The following MBP variants were observed in gnomAD, a reference collection of about 807,000 sequenced individuals.
The protein encoded by MBP is myelin basic protein, also known as Golli-MBP.
MBP carries 16 observed loss-of-function variants against 35.8 expected under a neutral mutation model. That is an observed-to-expected ratio of 0.45 (90% CI 0.30 to 0.68). The LOEUF is 0.68. Ranked by LOEUF, MBP falls within the 30% of genes least tolerant of loss-of-function variation. The pLI is 0.08. For missense variants in MBP, 380 were observed against 404.7 expected (o/e 0.94, Z 0.52); for synonymous variants, 143 against 159.6 (o/e 0.90, Z 0.78).
intron 2 of MBP, among the ~76,000 whole-genome samples, chr18:77,071,425 T>G (rs2144843797): frequency 6.6e-6 from 1 of 152,134 alleles, no homozygotes; most frequent in South Asian, 2.1e-4. Context: ...CAGCCCATCT[T>G]ATTTTGTTGT....
chr18:77,042,613 G>C (rs767790253), intron 3 of MBP, among the ~76,000 whole-genome samples: 2 of 152,206 alleles, frequency 1.3e-5, no homozygotes, highest in Non-Finnish European at 2.9e-5. Flanking sequence ...AAGGGAGAGA[G>C]TTATTTTAGG....
At chr18:77,004,313 C>T (rs979817034) in intron 4 of MBP, 8 of 151,916 alleles carry the variant, frequency 5.3e-5, no homozygotes, top group East Asian at 1.9e-4. Context: ...AGCTATTATT[C>T]GATTTCTGGT....
At chr18:77,024,557 G>A (rs1266543294) in intron 3 of MBP, among the ~76,000 whole-genome samples, 1 of 152,256 alleles carries the variant, frequency 6.6e-6, no homozygotes, top group African/African-American at 2.4e-5. Context: ...TTGCTCAGAT[G>A]AAACATGGAT....
At chr18:77,082,752 C>A (rs1384303006) in intron 2 of MBP, among the ~76,000 whole-genome samples, 1 of 115,290 alleles carries the variant, frequency 8.7e-6, no homozygotes, top group African/African-American at 3.1e-5. Flanking sequence ...TTCCTCCCTG[C>A]AGCAGCAGCT....
chr18:76,991,654 C>T (rs1157845400), intron 4 of MBP, among the ~76,000 whole-genome samples: 3 of 152,124 alleles, frequency 2.0e-5, no homozygotes, highest in African/African-American at 4.8e-5. Context: ...GCTACTTGTT[C>T]AGAAATAGCC....
chr18:77,016,844 C>T lies in MBP; in HGVS notation c.564G>A (p.Arg188=), dbSNP rs138484926. Residue 188 remains arginine (R), a synonymous_variant, in exon 4 of 9, where the codon CGG becomes CGA. Transcript: ENST00000355994. Reference sequence around the variant, plus strand: ...CCTCAGAGCTCACCTTGCCAGAGCCCCGCTTGGGCGCACCCCTGTCACCGC... The same window carrying T: ...CCTCAGAGCTCACCTTGCCAGAGCCTCGCTTGGGCGCACCCCTGTCACCGC... The part of the protein sequence containing the change: ...FFGGDRGAPK[R]GSGKDSHHPA... 6.2e-7 allele frequency: 1 copy of T among 1,614,120 alleles called. No homozygotes were observed. Among genetic ancestry groups the T allele is most frequent in the Non-Finnish European group, 8.5e-7 (1 of 1,180,036 alleles).
chr18:77,063,639 T>C (rs552036650), intron 3 of MBP, among the ~76,000 whole-genome samples: 2 of 152,252 alleles, frequency 1.3e-5, no homozygotes, highest in South Asian at 4.1e-4. Context: ...CAGGCAGAAG[T>C]ATTGCTCTTC....
chr18:77,045,927 GT>G (rs1973233291), intron 3 of MBP, among the ~76,000 whole-genome samples: 1 of 152,174 alleles, frequency 6.6e-6, no homozygotes. Context: ...ACTAATGCAG[GT>G]TTTAGAAATC....
intron 4 of MBP, among the ~76,000 whole-genome samples, chr18:77,000,773 A>T (rs959779641): frequency 3.3e-5 from 5 of 151,884 alleles, no homozygotes; most frequent in African/African-American, 1.2e-4. Flanking sequence ...AGGCCTGGGG[A>T]GCTGGGCGTT....
At position 77,020,631 on chromosome 18, in the gene MBP, T is replaced by C. The variant is rs1202900376; in HGVS notation, c.140-3363A>G. 6.6e-6 allele frequency among the ~76,000 whole-genome samples: 1 copy of C among 152,206 alleles called. No homozygotes were observed. Among genetic ancestry groups the C allele is most frequent in the Non-Finnish European group, 1.5e-5 (1 of 68,032 alleles). On this transcript the variant is annotated intron_variant, in intron 3 of 8. Transcript: ENST00000355994. This position sits in a 1 kb window ranked among gnomAD's most constrained non-coding sequence, Gnocchi z 4.1. ...TGTTAGGGAGGCTCGTTAGAGACCC[T>C]TCCCAGGGCTTTACTCGGGGCTGGT...
chr18:77,016,796 A>G (rs1484451713), intron 4 of MBP, 36 bp downstream of exon 4: 1 of 1,604,816 alleles, frequency 6.2e-7, no homozygotes, highest in Non-Finnish European at 8.5e-7. Flanking sequence ...TGCTTTTTCC[A>G]TTTAAACTAA....
At chr18:77,070,488 G>A (rs781767380) in intron 2 of MBP, among the ~76,000 whole-genome samples, 9 of 152,188 alleles carry the variant, frequency 5.9e-5, no homozygotes, top group African/African-American at 2.2e-4. Flanking sequence ...CAAACAGCTC[G>A]GGACATTACC....
At chr18:77,042,611 G>C (rs1973061681) in intron 3 of MBP, among the ~76,000 whole-genome samples, 2 of 152,208 alleles carry the variant, frequency 1.3e-5, no homozygotes, top group Admixed American at 6.5e-5. Context: ...GTAAGGGAGA[G>C]AGTTATTTTA....
chr18:76,982,924 T>TA (rs1396107327), intron 8 of MBP: 1 of 152,200 alleles, frequency 6.6e-6, no homozygotes, highest in African/African-American at 2.4e-5. Context: ...AAAAGCTTCT[T>TA]ACAAAAAAGT....
intron 4 of MBP, chr18:77,014,581 AAAC>A: frequency 4.1e-6 from 4 of 985,426 alleles, no homozygotes; most frequent in Non-Finnish European, 4.8e-6. Flanking sequence ...ATAAAAATAA[AAAC>A]AAAACCAAAA....
intron 2 of MBP, among the ~76,000 whole-genome samples, chr18:77,070,539 T>G (rs1410045038): frequency 6.6e-6 from 1 of 152,168 alleles, no homozygotes; most frequent in African/African-American, 2.4e-5. Context: ...TGTATTTTTT[T>G]GGAACAAAAG....
chr18:77,047,937 T>A (rs1286720125), intron 3 of MBP, among the ~76,000 whole-genome samples: 1 of 152,208 alleles, frequency 6.6e-6, no homozygotes, highest in Non-Finnish European at 1.5e-5. Flanking sequence ...AGAAATACAA[T>A]GATATCATAG....
At chr18:77,098,135 G>C (rs1430182546) in intron 2 of MBP, among the ~76,000 whole-genome samples, 1 of 142,352 alleles carries the variant, frequency 7.0e-6, no homozygotes, top group Non-Finnish European at 1.5e-5. Context: ...TGATTAGACT[G>C]TGAGGTATTC....
intron 7 of MBP, chr18:76,987,031 G>A (rs1969598787): frequency 2.0e-6 from 2 of 985,228 alleles, no homozygotes; most frequent in African/African-American, 3.5e-5. Context: ...TTTTGCTTTG[G>A]AAAAAAGAGA....
Sources: gnomAD v4.1 joint callset for allele counts (sites outside exome capture counted in the v4.1 genomes callset) on GRCh38, gnomAD v4.1.1 for gene constraint, Gnocchi (gnomAD v3.1) non-coding constraint, MANE v1.5 for transcripts, NCBI Gene and HGNC (gene_info 2026-07-23, HGNC 2026-07-21) for gene names.